The following SPAG16 variants were observed in gnomAD, a reference collection of about 807,000 sequenced individuals.
The protein encoded by SPAG16 is sperm associated antigen 16.
A neutral mutation model predicts 80.4 loss-of-function variants in SPAG16; 86 were observed. That is an observed-to-expected ratio of 1.07 (90% confidence interval 0.90 to 1.28). The LOEUF is 1.28. SPAG16 is among the 50% of genes most tolerant of loss of function. The probability of loss-of-function intolerance (pLI) is 0.00; values close to 1 mark genes in which losing one functional copy is unlikely to be tolerated. For synonymous variants in SPAG16, 294 were observed against 265.9 expected (o/e 1.11, Z -1.03); for missense variants, 870 against 765.3 (o/e 1.14, Z -1.61).
intron 11 of SPAG16, among the ~76,000 whole-genome samples, chr2:213,893,246 C>A (rs376757998): frequency 3.6e-4 from 55 of 152,128 alleles, no homozygotes; most frequent in African/African-American, 1.2e-3. Context: ...CAGAAAAATT[C>A]TTTCCCAGAC....
chr2:213,514,955 G>A (rs1306024854), intron 10 of SPAG16, among the ~76,000 whole-genome samples: 1 of 151,918 alleles, frequency 6.6e-6, no homozygotes, highest in Non-Finnish European at 1.5e-5. Context: ...TTAATGTGAT[G>A]AATTATAATT....
chr2:213,677,339 C>T (rs1391126124), intron 10 of SPAG16, among the ~76,000 whole-genome samples: 1 of 152,110 alleles, frequency 6.6e-6, no homozygotes, highest in African/African-American at 2.4e-5. Flanking sequence ...GATAAAGAGT[C>T]AAGACCCATC....
intron 12 of SPAG16, among the ~76,000 whole-genome samples, chr2:213,991,855 G>A (rs1575755731): frequency 1.9e-5 from 2 of 107,044 alleles, no homozygotes; most frequent in African/African-American, 7.7e-5. Flanking sequence ...TTTGACAATT[G>A]AGAGTTTATT....
At chr2:213,675,207 C>T (rs2063999991) in intron 10 of SPAG16, among the ~76,000 whole-genome samples, 1 of 152,150 alleles carries the variant, frequency 6.6e-6, no homozygotes, top group Admixed American at 6.5e-5. Context: ...CTGTTCATGT[C>T]CTTCGCCCAC....
At chr2:214,278,279 G>T (rs1692629973) in intron 15 of SPAG16, among the ~76,000 whole-genome samples, 3 of 152,182 alleles carry the variant, frequency 2.0e-5, no homozygotes, top group Admixed American at 2.0e-4. Flanking sequence ...TCCCGGGTGA[G>T]GTGATGCCCC....
intron 9 of SPAG16, among the ~76,000 whole-genome samples, chr2:213,478,066 A>C (rs1032631697): frequency 2.0e-5 from 3 of 151,754 alleles, no homozygotes; most frequent in East Asian, 1.9e-4. Flanking sequence ...TCTTGCACTC[A>C]CTCTGTCCTG....
chr2:213,786,436 T>G (rs971398287), intron 10 of SPAG16, among the ~76,000 whole-genome samples: 5 of 152,236 alleles, frequency 3.3e-5, no homozygotes, highest in African/African-American at 7.2e-5. Flanking sequence ...AATTAATGAA[T>G]TATGATTGAA....
chr2:214,268,763 G>GT, intron 15 of SPAG16, among the ~76,000 whole-genome samples: 1 of 151,824 alleles, frequency 6.6e-6, no homozygotes, highest in South Asian at 2.1e-4. Context: ...GTGTGTGTGG[G>GT]TGTGTATGTA....
At chr2:213,983,880 T>C (rs1463967920) in intron 12 of SPAG16, among the ~76,000 whole-genome samples, 4 of 152,030 alleles carry the variant, frequency 2.6e-5, no homozygotes, top group Non-Finnish European at 5.9e-5. Flanking sequence ...TAGGGCATGA[T>C]AGTAATATCA....
chr2:214,104,664 A>G (rs1482820929), intron 13 of SPAG16, among the ~76,000 whole-genome samples: 1 of 152,160 alleles, frequency 6.6e-6, no homozygotes, highest in African/African-American at 2.4e-5. Flanking sequence ...TTATATGTAT[A>G]AAGATTTCGT....
At chr2:213,800,746 T>C (rs1450502506) in intron 10 of SPAG16, among the ~76,000 whole-genome samples, 2 of 152,204 alleles carry the variant, frequency 1.3e-5, no homozygotes, top group Non-Finnish European at 2.9e-5. Flanking sequence ...AATTTCTAAA[T>C]CTCATACCAA....
intron 12 of SPAG16, among the ~76,000 whole-genome samples, chr2:213,933,858 A>G (rs531139142): frequency 1.2e-4 from 18 of 152,322 alleles, no homozygotes; most frequent in East Asian, 7.7e-4. Context: ...AAGCAACTAT[A>G]TTAGAAACCT....
chr2:214,359,558 G>C (rs1699038153), intron 15 of SPAG16, among the ~76,000 whole-genome samples: 1 of 151,876 alleles, frequency 6.6e-6, no homozygotes, highest in Non-Finnish European at 1.5e-5. Context: ...TGCCTATCCT[G>C]TATTTCTTCA....
At chr2:214,352,777 A>T (rs547298069) in intron 15 of SPAG16, among the ~76,000 whole-genome samples, 40 of 152,164 alleles carry the variant, frequency 2.6e-4, no homozygotes, top group African/African-American at 9.6e-4. Flanking sequence ...GGCTACATAA[A>T]CTAAACTATT....
intron 15 of SPAG16, among the ~76,000 whole-genome samples, chr2:214,161,592 G>A (rs76022188): frequency 0.042 from 6,443 of 152,132 alleles, 193 homozygotes; most frequent in Non-Finnish European, 0.061. Flanking sequence ...TTGGTGGCAT[G>A]ACTGTCTTTT....
At chr2:214,316,008 G>T (rs1695669216) in intron 15 of SPAG16, among the ~76,000 whole-genome samples, 1 of 152,110 alleles carries the variant, frequency 6.6e-6, no homozygotes, top group Non-Finnish European at 1.5e-5. Flanking sequence ...ATCTGCCCTA[G>T]CTTCTTTTGT....
intron 14 of SPAG16, among the ~76,000 whole-genome samples, chr2:214,136,665 T>C (rs1331255863): frequency 6.6e-6 from 1 of 152,204 alleles, no homozygotes; most frequent in African/African-American, 2.4e-5. Context: ...TCCTTCTTTA[T>C]ACTTGAACTT....
intron 10 of SPAG16, among the ~76,000 whole-genome samples, chr2:213,797,714 A>G (rs1365499061): frequency 6.6e-6 from 1 of 152,208 alleles, no homozygotes; most frequent in Non-Finnish European, 1.5e-5. Flanking sequence ...TTGTTTATTC[A>G]TTCACTAATT....
chr2:214,300,393 T>G (rs533869126), intron 15 of SPAG16, among the ~76,000 whole-genome samples: 1 of 152,292 alleles, frequency 6.6e-6, no homozygotes, highest in South Asian at 2.1e-4. Flanking sequence ...GGATGTTGGG[T>G]TAGCAATCCT....
Sources: allele counts gnomAD v4.1 joint callset (sites outside exome capture counted in the v4.1 genomes callset), GRCh38; gene constraint gnomAD v4.1.1; transcripts MANE v1.5; gene names NCBI Gene and HGNC (gene_info 2026-07-23, HGNC 2026-07-21).